LRP6: variants seen among roughly 807,000 people sequenced by gnomAD.
LRP6 encodes the protein LDL receptor related protein 6.
A neutral mutation model predicts 184.1 loss-of-function variants in LRP6; 43 were observed. The ratio of observed to expected loss-of-function variants is 0.23; its 90% CI spans 0.18 to 0.30. The LOEUF (loss-of-function observed/expected upper bound fraction) is 0.30. Among genes scored for constraint, LRP6 ranks in the 10% least tolerant of loss-of-function variants. The pLI, the probability that LRP6 is intolerant of heterozygous loss-of-function variation, is 1.00. For missense variants in LRP6, 1,571 were observed against 2,005.3 expected (o/e 0.78, Z 4.14); for synonymous variants, 719 against 684.9 (o/e 1.05, Z -0.78).
intron 1 of LRP6, among the ~76,000 whole-genome samples, chr12:12,264,321 C>T (rs894120466): frequency 1.3e-5 from 2 of 152,166 alleles, no homozygotes; most frequent in African/African-American, 4.8e-5. Context: ...ATTATCCACA[C>T]TACCAGTAAA....
At chr12:12,236,571 C>T (rs1864937033) in intron 2 of LRP6, among the ~76,000 whole-genome samples, 1 of 152,180 alleles carries the variant, frequency 6.6e-6, no homozygotes, top group East Asian at 1.9e-4. Flanking sequence ...TATGTGAAGA[C>T]AGCATCAGAT....
chr12:12,131,106 T>C (rs1183405185), intron 18 of LRP6, among the ~76,000 whole-genome samples: 3 of 136,300 alleles, frequency 2.2e-5, no homozygotes, highest in African/African-American at 8.2e-5. Context: ...CATTTTTTTT[T>C]TTTTTTTTTT....
intron 2 of LRP6, among the ~76,000 whole-genome samples, chr12:12,235,432 C>T (rs1025201620): frequency 1.2e-4 from 18 of 152,024 alleles, no homozygotes; most frequent in African/African-American, 4.3e-4. Flanking sequence ...AAACTAAATA[C>T]AATAAAAGAA....
At chr12:12,208,438 A>T (rs1286975117) in intron 2 of LRP6, among the ~76,000 whole-genome samples, 2 of 152,204 alleles carry the variant, frequency 1.3e-5, no homozygotes, top group African/African-American at 4.8e-5. Flanking sequence ...TAAGAAACAT[A>T]AACTATTTCA....
In LRP6 at chr12:12,135,316, G is replaced by T; in HGVS notation, c.3608-16C>A. The T allele has an allele frequency of 6.2e-7, 1 of 1,606,276 alleles. No homozygotes were observed. Among genetic ancestry groups the T allele is most frequent in the Non-Finnish European group, 8.5e-7 (1 of 1,173,410 alleles). Reference sequence around the variant, plus strand: ...GGGTGCTGTCCTGCAAAGAGAAGAGGTGAGGATGGGGAGAGGAGGGGGAGT... The same window carrying T: ...GGGTGCTGTCCTGCAAAGAGAAGAGTTGAGGATGGGGAGAGGAGGGGGAGT... On this transcript the variant is annotated splice_polypyrimidine_tract_variant and intron_variant, in intron 16 of 22. Transcript: ENST00000261349.
At chr12:12,256,827 C>A (rs908438064) in intron 1 of LRP6, among the ~76,000 whole-genome samples, 1 of 152,012 alleles carries the variant, frequency 6.6e-6, no homozygotes, top group African/African-American at 2.4e-5. Flanking sequence ...ATTTTTTTAA[C>A]GTATCAAAAG....
chr12:12,239,538 A>G lies in LRP6; in HGVS notation c.449+4724T>C, dbSNP rs1479217869. ...TCCTAGTTCACAAATTAGCTGACAAACCCCTCCTTCCAAAATCTTAAAGAT... is the reference window on the plus strand; with the variant it reads ...TCCTAGTTCACAAATTAGCTGACAAGCCCCTCCTTCCAAAATCTTAAAGAT... On this transcript the variant is annotated intron_variant, in intron 2 of 22. Transcript: ENST00000261349. Among the ~76,000 whole-genome samples, 3 of 152,096 alleles carry G rather than the reference A, an allele frequency of 2.0e-5. No individual in the cohort carries two copies. In the East Asian group the frequency reaches 5.8e-4, roughly 29 times the overall value.
intron 1 of LRP6, among the ~76,000 whole-genome samples, chr12:12,263,333 T>C (rs1442535936): frequency 6.7e-6 from 1 of 150,352 alleles, no homozygotes; most frequent in Non-Finnish European, 1.5e-5. Context: ...TCCAGGACTT[T>C]GGGAGGCCGA....
In LRP6 at chr12:12,120,003, AT is replaced by A. The variant is rs1429539284; in HGVS notation, c.*1122del. 25 of 68,088 alleles carry A rather than the reference AT, an allele frequency of 3.7e-4. No individual in the cohort carries two copies. Among genetic ancestry groups the A allele is most frequent in the East Asian group, 3.1e-3 (6 of 1,940 alleles). The allele number at this position is 68,088 out of a possible 1,614,324, so 4.2% of individuals were successfully genotyped here. The stretch of plus-strand genomic sequence containing the variant: ...ACAAACAAACAAAATATATATATAT[AT>A]ATATATATATATATATATATATATA... On this transcript the variant is annotated 3_prime_UTR_variant, in exon 23 of 23. Transcript: ENST00000261349.
intron 15 of LRP6, among the ~76,000 whole-genome samples, chr12:12,142,628 A>T (rs967276924): frequency 4.6e-5 from 7 of 152,200 alleles, no homozygotes; most frequent in African/African-American, 1.4e-4. Flanking sequence ...TGGCCAACAA[A>T]GCCTTGATGG....
Position 12,181,061 on chromosome 12 carries a change from A to G in LRP6, c.1355T>C (p.Val452Ala), listed in dbSNP as rs142229173. ...SEDLEEPRAI[V>A]LDPMVGYMYW... ...TTCTTACCCAACCATGGGATCTAAC[A>G]CAATAGCCCGGGGTTCCTCTAAGTC... The change falls in exon 6 of 23, where the codon GTG (valine) becomes GCG (alanine). Residue 452 changes from valine (V) to alanine (A), a missense_variant. Physicochemically the swap from Val to Ala is moderately conservative, Grantham distance 64. Transcript: ENST00000261349. The G allele has an allele frequency of 2.4e-5, 38 of 1,614,000 alleles. No individual in the cohort carries two copies. The South Asian group carries it at 3.6e-4, about 15-fold the overall frequency.
At chr12:12,220,891 C>CACATACAGGCATGA (rs1864469788) in intron 2 of LRP6, among the ~76,000 whole-genome samples, 1 of 152,298 alleles carries the variant, frequency 6.6e-6, no homozygotes, top group Admixed American at 6.5e-5. Context: ...TGAGCCACCA[C>CACATACAGGCATGA]GCCCAGCCTA....
intron 1 of LRP6, among the ~76,000 whole-genome samples, chr12:12,247,225 G>T (rs965811821): frequency 3.3e-5 from 5 of 152,080 alleles, no homozygotes; most frequent in Non-Finnish European, 7.4e-5. Context: ...TAAGGCTAAG[G>T]AATACCCACG....
At chr12:12,142,102 T>C (rs994947322) in intron 15 of LRP6, among the ~76,000 whole-genome samples, 2 of 152,174 alleles carry the variant, frequency 1.3e-5, no homozygotes, top group South Asian at 2.1e-4. Flanking sequence ...TAAGTGAAAA[T>C]AGTTGTGAAT....
chr12:12,152,966 A>G (rs905566203), intron 12 of LRP6, among the ~76,000 whole-genome samples: 1 of 152,170 alleles, frequency 6.6e-6, no homozygotes, highest in African/African-American at 2.4e-5. Context: ...TCAGCTTGGA[A>G]GATTTAGAAA....
chr12:12,264,487 G>A lies in LRP6; in HGVS notation c.55+2194C>T, dbSNP rs535933970. On this transcript the variant is annotated intron_variant, in intron 1 of 22. Transcript: ENST00000261349. ...TAGAGATAGGGACACAGCACTAACA[G>A]TATTCCCTGGCTTTCTGCTACTAAT... 1.1e-4 allele frequency among the ~76,000 whole-genome samples: 16 copies of A among 152,234 alleles called. No individual in the cohort carries two copies. In the East Asian group the frequency reaches 2.3e-3, roughly 22 times the overall value.
At chr12:12,209,366 A>G (rs964781461) in intron 2 of LRP6, among the ~76,000 whole-genome samples, 2 of 152,232 alleles carry the variant, frequency 1.3e-5, no homozygotes, top group African/African-American at 2.4e-5. Flanking sequence ...GCATGCCACT[A>G]TGTACCAAAG....
intron 2 of LRP6, among the ~76,000 whole-genome samples, chr12:12,204,244 C>T: frequency 8.5e-6 from 1 of 118,318 alleles, no homozygotes. Flanking sequence ...CACTACAAAA[C>T]AGTTGGTCTT....
chr12:12,139,011 G>C (rs1308232109), intron 15 of LRP6: 13 of 1,313,358 alleles, frequency 9.9e-6, no homozygotes, highest in Middle Eastern at 2.2e-4. Flanking sequence ...CTCAGACATA[G>C]AGTCATCCAG....
Sources: gnomAD v4.1 joint callset for allele counts (sites outside exome capture counted in the v4.1 genomes callset) on GRCh38, gnomAD v4.1.1 for gene constraint, MANE v1.5 for transcripts, NCBI Gene and HGNC (gene_info 2026-07-23, HGNC 2026-07-21) for gene names.